Variants in PROS1 observed in about 807,000 individuals in gnomAD.
The protein encoded by PROS1 is vitamin K-dependent protein S.
In PROS1, 29 loss-of-function variants were observed where a neutral mutation model predicts 75.9. The observed-to-expected ratio is 0.38, with a 90% CI of 0.28 to 0.52. PROS1 has a LOEUF of 0.52. Among genes scored for constraint, PROS1 ranks in the 20% least tolerant of loss-of-function variants. The probability of loss-of-function intolerance (pLI) is 0.83; values close to 1 mark genes in which losing one functional copy is unlikely to be tolerated. For missense variants in PROS1, 680 were observed against 810.3 expected, an observed-to-expected ratio of 0.84 and a Z score of 1.95; for synonymous variants, 245 against 280.6, an observed-to-expected ratio of 0.87 and a Z score of 1.27.
intron 1 of PROS1, among the ~76,000 whole-genome samples, chr3:93,946,443 G>A (rs1467288918): frequency 6.6e-6 from 1 of 152,132 alleles, no homozygotes; most frequent in Non-Finnish European, 1.5e-5. Context: ...GCATGGTACT[G>A]GTACCAAAAC....
At chr3:93,932,148 A>G (rs1301396939) in intron 1 of PROS1, among the ~76,000 whole-genome samples, 1 of 152,256 alleles carries the variant, frequency 6.6e-6, no homozygotes. Context: ...AGCAATATCT[A>G]AAAGTTCCAT....
intron 1 of PROS1, among the ~76,000 whole-genome samples, chr3:93,955,882 T>C (rs1709590347): frequency 6.6e-6 from 1 of 152,198 alleles, no homozygotes; most frequent in Non-Finnish European, 1.5e-5. Context: ...AGATATTCAA[T>C]TTTACACTGA....
In PROS1 at chr3:93,973,858, G is replaced by A. The variant is rs1009672929; in HGVS notation, c.-109C>T. On this transcript the variant is annotated 5_prime_UTR_variant, in exon 1 of 15. Coordinates refer to ENST00000394236, the MANE Select transcript of PROS1 (RefSeq NM_000313.4). ...TGTGCGCCTCGGTCTGAGCCGTGCTGCGCGGCGGCGCCAGCGACCCAGCGA... is the reference window on the plus strand; with the variant it reads ...TGTGCGCCTCGGTCTGAGCCGTGCTACGCGGCGGCGCCAGCGACCCAGCGA... 3 of 876,286 alleles carry A rather than the reference G, an allele frequency of 3.4e-6. No individual in the cohort carries two copies. Among genetic ancestry groups the A allele is most frequent in the South Asian group, 3.8e-5 (1 of 26,662 alleles). 54.3% of individuals were successfully genotyped at this position (876,286 alleles called of 1,614,324 possible). A position where few individuals can be genotyped will look rare whatever the true frequency, so the allele number is the denominator to read the frequency against.
At chr3:93,970,404 A>G (rs1709859657) in intron 1 of PROS1, among the ~76,000 whole-genome samples, 2 of 152,124 alleles carry the variant, frequency 1.3e-5, no homozygotes, top group Non-Finnish European at 2.9e-5. Flanking sequence ...TGGCATAATC[A>G]TGCTCACTGC....
intron 13 of PROS1, among the ~76,000 whole-genome samples, chr3:93,877,535 G>A (rs1271666615): frequency 6.6e-6 from 1 of 152,166 alleles, no homozygotes; most frequent in African/African-American, 2.4e-5. Flanking sequence ...CATATGAAAA[G>A]GGAAGGAGTT....
intron 6 of PROS1, among the ~76,000 whole-genome samples, chr3:93,901,414 C>T (rs887178731): frequency 3.3e-5 from 5 of 152,140 alleles, no homozygotes; most frequent in Non-Finnish European, 7.3e-5. Context: ...ACTTATAAAT[C>T]TGCAGTTAAT....
chr3:93,961,390 T>A (rs1221170178), intron 1 of PROS1, among the ~76,000 whole-genome samples: 1 of 152,218 alleles, frequency 6.6e-6, no homozygotes, highest in African/African-American at 2.4e-5. Context: ...AGAAGCAAAT[T>A]GCCATGTTAT....
In PROS1 at chr3:93,886,421, A is replaced by C; in HGVS notation, c.1238T>G (p.Leu413Arg). 6.2e-7 allele frequency: 1 copy of C among 1,613,700 alleles called. No homozygotes were observed. Among genetic ancestry groups the C allele is most frequent in the Non-Finnish European group, 8.5e-7 (1 of 1,179,696 alleles). ...CAGCAATCCATTTTCCGGCTTAAAA[A>C]GGGGTCCAGGTTTATTTATATCCAT... is the stretch of plus-strand genomic sequence containing the variant. ...AVMDINKPGPLFKPENGLLET... is the reference protein window; with the variant it reads ...AVMDINKPGPRFKPENGLLET... The change falls in exon 11 of 15, where the codon CTT (leucine) becomes CGT (arginine). Residue 413 changes from leucine (L) to arginine (R), a missense_variant. Transcript: ENST00000394236.
intron 3 of PROS1, among the ~76,000 whole-genome samples, chr3:93,914,164 T>C (rs1383140317): frequency 6.6e-6 from 1 of 152,224 alleles, no homozygotes; most frequent in East Asian, 1.9e-4. Flanking sequence ...TGCATACTGG[T>C]AGCCCTATAG....
At chr3:93,882,329 A>G (rs912941856) in intron 12 of PROS1, among the ~76,000 whole-genome samples, 1 of 152,232 alleles carries the variant, frequency 6.6e-6, no homozygotes, top group African/African-American at 2.4e-5. Context: ...TAGGATGTTC[A>G]CAGAAGTATT....
chr3:93,924,109 TA>T, intron 3 of PROS1, 130 bp downstream of exon 3: 1 of 555,586 alleles, frequency 1.8e-6, no homozygotes. Flanking sequence ...AAATTGCATA[TA>T]AAATGAAACC....
At chr3:93,969,122 C>CTTT (rs773990991) in intron 1 of PROS1, among the ~76,000 whole-genome samples, 11 of 114,332 alleles carry the variant, frequency 9.6e-5, no homozygotes, top group Admixed American at 1.8e-4. Flanking sequence ...CTTTTGTTTT[C>CTTT]TTTTTTTTTT....
At chr3:93,952,308 A>T (rs1448411087) in intron 1 of PROS1, among the ~76,000 whole-genome samples, 1 of 152,166 alleles carries the variant, frequency 6.6e-6, no homozygotes, top group Non-Finnish European at 1.5e-5. Flanking sequence ...CTTATTCCAA[A>T]ATTGACCACA....
At chr3:93,911,740 G>C (rs1708762246) in intron 3 of PROS1, among the ~76,000 whole-genome samples, 1 of 152,176 alleles carries the variant, frequency 6.6e-6, no homozygotes, top group African/African-American at 2.4e-5. Flanking sequence ...CTTCTTTCAT[G>C]ACAGCTAGCT....
At chr3:93,903,213 C>T (rs1401897730) in intron 6 of PROS1, among the ~76,000 whole-genome samples, 4 of 152,036 alleles carry the variant, frequency 2.6e-5, no homozygotes, top group Non-Finnish European at 5.9e-5. Context: ...TACGTTATTA[C>T]TTACATATCA....
At chr3:93,897,463 A>G (rs1708518151) in intron 8 of PROS1, among the ~76,000 whole-genome samples, 4 of 152,058 alleles carry the variant, frequency 2.6e-5, no homozygotes, top group Non-Finnish European at 1.5e-5. Context: ...ATCTATTTCA[A>G]GGCAGACGGT....
At position 93,879,318 on chromosome 3, in the gene PROS1, T is replaced by C; in HGVS notation, c.1493-4A>G. ...CCCTCAGCACTGGATACATTATCTA[T>C]TTAAAATAATGAAACAGAAGCATGA... On this transcript the variant is annotated splice_polypyrimidine_tract_variant and splice_region_variant and intron_variant, in intron 12 of 14. Transcript: ENST00000394236. 1 of 1,613,670 alleles carries C rather than the reference T, an allele frequency of 6.2e-7. No homozygotes were observed. Among genetic ancestry groups the C allele is most frequent in the South Asian group, 1.1e-5 (1 of 91,062 alleles).
intron 8 of PROS1, among the ~76,000 whole-genome samples, chr3:93,897,351 ATTG>A (rs5850917): frequency 0.084 from 12,720 of 152,124 alleles, 778 homozygotes; most frequent in African/African-American, 0.17. Flanking sequence ...CATACAAATT[ATTG>A]AACACATATG....
intron 9 of PROS1, 145 bp from the exon 10 acceptor site, chr3:93,893,267 G>A: frequency 2.6e-6 from 2 of 763,472 alleles, no homozygotes; most frequent in Non-Finnish European, 4.4e-6. Context: ...AAAAGAGAAG[G>A]GCAGAATTAG....
Sources: gnomAD v4.1 joint callset for allele counts (sites outside exome capture counted in the v4.1 genomes callset) on GRCh38, gnomAD v4.1.1 for gene constraint, MANE v1.5 for transcripts, NCBI Gene and HGNC (gene_info 2026-07-23, HGNC 2026-07-21) for gene names.